The following SP140L variants were observed in gnomAD, a reference collection of about 807,000 sequenced individuals.
SP140L encodes nuclear body protein SP140-like protein.
A neutral mutation model predicts 84.3 loss-of-function variants in SP140L; 64 were observed. The observed-to-expected ratio is 0.76, with a 90% CI of 0.62 to 0.94. SP140L has a LOEUF of 0.94. Among genes scored for constraint, SP140L ranks in the 40% least tolerant of loss-of-function variants. The pLI is 0.00. For missense variants in SP140L, 628 were observed against 692.5 expected (o/e 0.91, Z 1.05); for synonymous variants, 242 against 236.9 (o/e 1.02, Z -0.20).
intron 7 of SP140L, among the ~76,000 whole-genome samples, chr2:230,373,370 G>C (rs947486895): frequency 2.0e-5 from 3 of 152,192 alleles, no homozygotes; most frequent in African/African-American, 7.2e-5. Flanking sequence ...CATAGGACAG[G>C]AGGAGTCTCT....
rs375039613 is a variant in SP140L, at chr2:230,402,815, A to G, written c.1662A>G (p.Gln554=). 4.3e-6 allele frequency: 7 copies of G among 1,612,092 alleles called. No individual in the cohort carries two copies. The East Asian group carries it at 6.7e-5, about 15-fold the overall frequency. Residue 554 remains glutamine (Q), a synonymous_variant, in exon 19 of 19, where the codon CAA becomes CAG. Coordinates refer to ENST00000415673, the MANE Select transcript of SP140L (RefSeq NM_138402.6). ...RASYKYKDFG[Q]MGLRLEAEFE... ...TTTTCCAGTATAAGGATTTTGGCCA[A>G]ATGGGACTTAGACTGGAGGCTGAAT...
At chr2:230,345,145 T>C (rs1378477059) in intron 2 of SP140L, among the ~76,000 whole-genome samples, 1 of 152,210 alleles carries the variant, frequency 6.6e-6, no homozygotes, top group Non-Finnish European at 1.5e-5. Flanking sequence ...TCCTTTCAGA[T>C]TGGTTAGTAT....
intron 2 of SP140L, among the ~76,000 whole-genome samples, chr2:230,344,907 A>C (rs142889611): frequency 5.9e-5 from 9 of 152,340 alleles, no homozygotes; most frequent in African/African-American, 1.9e-4. Flanking sequence ...GTATGATTTC[A>C]GTCTTCTTGA....
At chr2:230,379,738 A>T (rs1431668018) in intron 7 of SP140L, among the ~76,000 whole-genome samples, 2 of 152,056 alleles carry the variant, frequency 1.3e-5, no homozygotes, top group East Asian at 3.9e-4. Context: ...TTTTAGGTTG[A>T]TATTTATTTA....
chr2:230,385,224 A>G lies in SP140L; in HGVS notation c.704A>G (p.Asp235Gly), dbSNP rs200229270. ...TACATTTTCCCTTGCCTATCCCCAG[A>G]TAACAGCAAAGCCGATGGCCAGCTG... ...TRTQKNNQQN[D>G]NSKADGQLVS... Residue 235 changes from aspartate (D) to glycine (G), a missense_variant and splice_region_variant, in exon 9 of 19, where the codon GAT becomes GGT. By Grantham distance (94) the Asp-to-Gly change is moderately conservative. Coordinates refer to ENST00000415673, the MANE Select transcript of SP140L (RefSeq NM_138402.6). 3.8e-5 allele frequency: 62 copies of G among 1,613,586 alleles called. No individual in the cohort carries two copies. In the Middle Eastern group the frequency reaches 1.3e-3, roughly 34 times the overall value.
intron 5 of SP140L, among the ~76,000 whole-genome samples, chr2:230,370,232 G>A (rs911145125): frequency 1.1e-4 from 17 of 152,204 alleles, no homozygotes; most frequent in African/African-American, 2.7e-4. Flanking sequence ...TGTGTCAGGC[G>A]TGATTATTGG....
intron 4 of SP140L, among the ~76,000 whole-genome samples, chr2:230,360,829 T>G (rs1340414710): frequency 6.6e-6 from 1 of 152,220 alleles, no homozygotes; most frequent in South Asian, 2.1e-4. Context: ...AGGCTGCCCC[T>G]GTGTCCTCTG....
rs920445405 is a variant in SP140L, at chr2:230,370,932, C to T, written c.548C>T (p.Ala183Val). The T allele has an allele frequency of 1.2e-6, 2 of 1,613,672 alleles. No individual in the cohort carries two copies. The highest frequency in any genetic ancestry group is 3.3e-5 in the Admixed American group (2 of 59,920). Residue 183 changes from alanine (A) to valine (V), a missense_variant, in exon 6 of 19, where the codon GCA becomes GTA. Around this residue, in one of 4 missense-constraint regions of SP140L, gnomAD observed 525 missense variants for 518.4 expected, o/e 1.01. Coordinates refer to ENST00000415673, the MANE Select transcript of SP140L (RefSeq NM_138402.6). ...GGAGAAGTGCCAGAAAGCCCGGAAG[C>T]AAGGAAGGAAAGTGACCAAGCATGT... ...KQGEVPESPE[A>V]RKESDQACGK...
intron 5 of SP140L, among the ~76,000 whole-genome samples, chr2:230,369,652 A>T (rs1418993014): frequency 1.3e-5 from 2 of 152,226 alleles, no homozygotes; most frequent in Non-Finnish European, 2.9e-5. Context: ...GCTGGCCTTC[A>T]GATGTGTAGG....
chr2:230,387,710 T>A (rs6732684), intron 9 of SP140L, among the ~76,000 whole-genome samples: 42,147 of 152,020 alleles, frequency 0.28, 6,266 homozygotes, highest in Non-Finnish European at 0.32. Context: ...CATTTGAACA[T>A]TAGTAAACAT....
chr2:230,396,648 T>A (rs1407170050), intron 13 of SP140L, 109 bp from the exon 14 acceptor site: 1 of 1,328,974 alleles, frequency 7.5e-7, no homozygotes, highest in Non-Finnish European at 1.0e-6. Flanking sequence ...ATTATTTTTT[T>A]ACAACTGGTT....
At chr2:230,402,645 A>G (rs1232058277) in intron 18 of SP140L, among the ~76,000 whole-genome samples, 153 bp from the exon 19 acceptor site, 1 of 152,244 alleles carries the variant, frequency 6.6e-6, no homozygotes, top group Non-Finnish European at 1.5e-5. Context: ...AAATCACAAC[A>G]CTGCTTTGTA....
chr2:230,381,704 G>GTC (rs1206016516), intron 7 of SP140L, among the ~76,000 whole-genome samples: 3 of 130,660 alleles, frequency 2.3e-5, no homozygotes, highest in Non-Finnish European at 3.2e-5. Flanking sequence ...GTGGGACCCT[G>GTC]TCTCTCTACA....
chr2:230,395,222 A>G (rs1325206199), intron 13 of SP140L, among the ~76,000 whole-genome samples: 1 of 152,160 alleles, frequency 6.6e-6, no homozygotes, highest in Non-Finnish European at 1.5e-5. Flanking sequence ...TTATTCACCC[A>G]TTGAACATAT....
At chr2:230,371,441 C>T (rs2061067005) in intron 6 of SP140L, among the ~76,000 whole-genome samples, 157 bp from the exon 7 acceptor site, 1 of 152,190 alleles carries the variant, frequency 6.6e-6, no homozygotes, top group Non-Finnish European at 1.5e-5. Context: ...ACTCCTAGTT[C>T]TCAGTTCAGT....
intron 7 of SP140L, among the ~76,000 whole-genome samples, chr2:230,382,693 A>C (rs2061447565): frequency 6.6e-6 from 1 of 152,152 alleles, no homozygotes; most frequent in African/African-American, 2.4e-5. Context: ...GTCACAACAG[A>C]ATCCTGAATT....
At position 230,347,285 on chromosome 2, in the gene SP140L, T is replaced by G. The variant is rs532934196; in HGVS notation, c.108-10520T>G. Among the ~76,000 whole-genome samples the G allele has an allele frequency of 2.6e-4, 40 of 152,248 alleles. 1 individual carries two copies. Among genetic ancestry groups the G allele is most frequent in the African/African-American group, 8.4e-4 (35 of 41,540 alleles). On this transcript the variant is annotated intron_variant, in intron 2 of 18. Coordinates refer to ENST00000415673, the MANE Select transcript of SP140L (RefSeq NM_138402.6). ...GCTACTGTTCAGTGGGACCACAGGTTAGGCTCTGTGATTAATCAGGGTTGC... is the reference window on the plus strand; with the variant it reads ...GCTACTGTTCAGTGGGACCACAGGTGAGGCTCTGTGATTAATCAGGGTTGC...
In SP140L at chr2:230,400,161, A is replaced by G. The variant is rs2062249361; in HGVS notation, c.1232A>G (p.Asp411Gly). 6.2e-7 allele frequency: 1 copy of G among 1,614,198 alleles called. No homozygotes were observed. Among genetic ancestry groups the G allele is most frequent in the East Asian group, 2.2e-5 (1 of 44,894 alleles). The part of the protein sequence containing the change: ...RNLDECEVCR[D>G]GGELFCCDTC... Reference sequence around the variant, plus strand: ...TTGGATGAGTGTGAGGTGTGCCGGGACGGAGGGGAGCTGTTCTGTTGCGAC... The same window carrying G: ...TTGGATGAGTGTGAGGTGTGCCGGGGCGGAGGGGAGCTGTTCTGTTGCGAC... Residue 411 changes from aspartate to glycine, a missense_variant, in exon 15 of 19, where the codon GAC becomes GGC. Physicochemically the swap from Asp to Gly is moderately conservative, Grantham distance 94. Around this residue, in one of 4 missense-constraint regions of SP140L, gnomAD observed 525 missense variants for 518.4 expected, o/e 1.01. Coordinates refer to ENST00000415673, the MANE Select transcript of SP140L (RefSeq NM_138402.6).
At chr2:230,380,866 T>G (rs1264930182) in intron 7 of SP140L, among the ~76,000 whole-genome samples, 1 of 152,222 alleles carries the variant, frequency 6.6e-6, no homozygotes, top group Admixed American at 6.5e-5. Flanking sequence ...ATTTTGTTTA[T>G]AATTCTCCTG....
Sources: gnomAD v4.1 joint callset for allele counts (sites outside exome capture counted in the v4.1 genomes callset) on GRCh38, gnomAD v4.1.1 for gene constraint, gnomAD v4.1.1 regional missense constraint, MANE v1.5 for transcripts, NCBI Gene and HGNC (gene_info 2026-07-23, HGNC 2026-07-21) for gene names.